The following SLC25A21 variants were observed in gnomAD, a reference collection of about 807,000 sequenced individuals.
The protein encoded by SLC25A21 is solute carrier family 25 member 21, also known as mitochondrial 2-oxodicarboxylate carrier.
A neutral mutation model predicts 43.8 loss-of-function variants in SLC25A21; 47 were observed. The observed-to-expected ratio is 1.07, with a 90% CI of 0.85 to 1.37. The LOEUF is 1.37. SLC25A21 is among the 40% of genes most tolerant of loss of function. SLC25A21 has a pLI of 0.00. For synonymous variants in SLC25A21, 131 were observed against 121.3 expected (o/e 1.08, Z -0.52); for missense variants, 352 against 350.2 (o/e 1.00, Z -0.04).
At chr14:36,972,646 C>T (rs118023297) in intron 1 of SLC25A21, among the ~76,000 whole-genome samples, 125 of 151,904 alleles carry the variant, frequency 8.2e-4, no homozygotes, top group African/African-American at 2.8e-3. Context: ...TAGTAATTGA[C>T]GAGGGAGGTT....
At chr14:36,775,806 A>G (rs1313960195) in intron 3 of SLC25A21, among the ~76,000 whole-genome samples, 2 of 152,208 alleles carry the variant, frequency 1.3e-5, no homozygotes, top group Admixed American at 1.3e-4. Flanking sequence ...ACTCATCAAT[A>G]CTAGCCATCC....
At chr14:37,072,598 T>A (rs970335205) in intron 1 of SLC25A21, among the ~76,000 whole-genome samples, 1 of 152,132 alleles carries the variant, frequency 6.6e-6, no homozygotes. Context: ...AACACAAAAC[T>A]TAGTTGGGCG....
chr14:36,915,700 C>T (rs1314792653), intron 1 of SLC25A21, among the ~76,000 whole-genome samples: 4 of 152,098 alleles, frequency 2.6e-5, no homozygotes, highest in Admixed American at 1.3e-4. Flanking sequence ...GGTATCATCA[C>T]ACTTTCAGGC....
chr14:36,928,174 G>A (rs982429334), intron 1 of SLC25A21, among the ~76,000 whole-genome samples: 1 of 152,068 alleles, frequency 6.6e-6, no homozygotes, highest in African/African-American at 2.4e-5. Context: ...ATAACATCAA[G>A]TTGATATCAT....
At chr14:36,890,855 A>G (rs28649370) in intron 1 of SLC25A21, among the ~76,000 whole-genome samples, 2,476 of 152,274 alleles carry the variant, frequency 0.016, 70 homozygotes, top group African/African-American at 0.056. Flanking sequence ...AATGACCACA[A>G]TATGTACACT....
chr14:36,852,998 GACATT>G (rs111280798), intron 2 of SLC25A21, among the ~76,000 whole-genome samples: 11,132 of 152,082 alleles, frequency 0.073, 566 homozygotes, highest in East Asian at 0.21. Flanking sequence ...AATAAGTTGT[GACATT>G]ACATTCTTAT....
intron 3 of SLC25A21, among the ~76,000 whole-genome samples, chr14:36,780,553 T>C (rs1352955696): frequency 6.6e-6 from 1 of 152,080 alleles, no homozygotes; most frequent in African/African-American, 2.4e-5. Context: ...TGTCTCAAGA[T>C]ATTTTTTGAT....
chr14:36,870,277 G>A (rs1890331974), intron 2 of SLC25A21, among the ~76,000 whole-genome samples: 1 of 152,190 alleles, frequency 6.6e-6, no homozygotes, highest in Non-Finnish European at 1.5e-5. Context: ...CACAAACCCT[G>A]TGGCTTAAAA....
chr14:36,816,955 ACTCTT>A (rs72474769), intron 2 of SLC25A21, among the ~76,000 whole-genome samples: 104,831 of 151,450 alleles, frequency 0.69, 38,068 homozygotes, highest in East Asian at 1. Context: ...AAAAACCAAG[ACTCTT>A]CTCTAACTGT....
At chr14:36,751,084 C>T (rs979985682) in intron 3 of SLC25A21, among the ~76,000 whole-genome samples, 2 of 152,182 alleles carry the variant, frequency 1.3e-5, no homozygotes, top group African/African-American at 4.8e-5. Context: ...AGGAACAACA[C>T]TAAGATATGC....
At chr14:36,708,747 T>A in intron 7 of SLC25A21, among the ~76,000 whole-genome samples, 1 of 106,722 alleles carries the variant, frequency 9.4e-6, no homozygotes, top group Non-Finnish European at 1.7e-5. Context: ...AACGTTAGTT[T>A]TTTTTTTTTT....
chr14:37,125,943 C>T (rs1454118750), intron 1 of SLC25A21, among the ~76,000 whole-genome samples: 1 of 152,148 alleles, frequency 6.6e-6, no homozygotes, highest in Non-Finnish European at 1.5e-5. Context: ...ATTATGCTTT[C>T]CACCTGTAGT....
At chr14:36,884,178 G>A (rs1048970215) in intron 1 of SLC25A21, among the ~76,000 whole-genome samples, 4 of 152,002 alleles carry the variant, frequency 2.6e-5, no homozygotes, top group African/African-American at 9.7e-5. Flanking sequence ...CTCCATTCTA[G>A]TCTCTATTCC....
chr14:36,910,137 C>T (rs1891645483), intron 1 of SLC25A21, among the ~76,000 whole-genome samples: 1 of 152,116 alleles, frequency 6.6e-6, no homozygotes, highest in Non-Finnish European at 1.5e-5. Flanking sequence ...CTATACCTTA[C>T]ATATTTATAA....
At position 36,985,202 on chromosome 14, in the gene SLC25A21, G is replaced by A. The variant is rs1004042589; in HGVS notation, c.71-110198C>T. 3.3e-5 allele frequency among the ~76,000 whole-genome samples: 5 copies of A among 149,676 alleles called. 1 individual carries two copies. Among genetic ancestry groups the A allele is most frequent in the African/African-American group, 1.2e-4 (5 of 40,442 alleles). On this transcript the variant is annotated intron_variant, in intron 1 of 9. Coordinates refer to ENST00000331299, the MANE Select transcript of SLC25A21 (RefSeq NM_030631.4). ...GGGATGGGGGGAGGGGGGAGGGATA[G>A]CATTGGGAGATATACCTAATGCTAG... is the stretch of plus-strand genomic sequence containing the variant.
chr14:36,967,467 C>G (rs1349443335), intron 1 of SLC25A21, among the ~76,000 whole-genome samples: 1 of 152,134 alleles, frequency 6.6e-6, no homozygotes, highest in Non-Finnish European at 1.5e-5. Context: ...TATGTATAGT[C>G]ATTTGACCTG....
intron 1 of SLC25A21, among the ~76,000 whole-genome samples, chr14:37,125,790 A>C (rs1201208753): frequency 6.6e-6 from 1 of 152,192 alleles, no homozygotes; most frequent in Non-Finnish European, 1.5e-5. Flanking sequence ...GAAGAAGTCA[A>C]CTGGGATACA....
chr14:36,692,644 G>T (rs1014318945), intron 7 of SLC25A21, among the ~76,000 whole-genome samples: 2 of 152,142 alleles, frequency 1.3e-5, no homozygotes, highest in African/African-American at 4.8e-5. Flanking sequence ...TTCACCCAGC[G>T]ATATGCCAGA....
At chr14:37,169,539 A>G (rs1964086041) in intron 1 of SLC25A21, among the ~76,000 whole-genome samples, 1 of 151,232 alleles carries the variant, frequency 6.6e-6, no homozygotes, top group African/African-American at 2.4e-5. Context: ...TCACCTAAGA[A>G]AGCCAGAATG....
Sources: allele counts gnomAD v4.1 joint callset (sites outside exome capture counted in the v4.1 genomes callset), GRCh38; gene constraint gnomAD v4.1.1; transcripts MANE v1.5; gene names NCBI Gene and HGNC (gene_info 2026-07-23, HGNC 2026-07-21).